Variants in PDE4D observed in about 807,000 individuals in gnomAD.
PDE4D encodes the protein 3',5'-cyclic-AMP phosphodiesterase 4D.
In PDE4D, 24 loss-of-function variants were observed where a neutral mutation model predicts 87.4. The observed-to-expected ratio is 0.27, with a 90% CI of 0.20 to 0.39. PDE4D has a LOEUF of 0.39. Ranked by LOEUF, PDE4D falls within the 10% of genes least tolerant of loss-of-function variation. The probability of loss-of-function intolerance (pLI) is 1.00; values close to 1 mark genes in which losing one functional copy is unlikely to be tolerated. For missense variants in PDE4D, 714 were observed against 1,041.0 expected (o/e 0.69, Z 4.32); for synonymous variants, 384 against 383.2 (o/e 1.00, Z -0.02).
intron 1 of PDE4D, among the ~76,000 whole-genome samples, chr5:59,832,052 A>T (rs759344818): frequency 6.6e-6 from 1 of 152,076 alleles, no homozygotes; most frequent in Non-Finnish European, 1.5e-5. Flanking sequence ...TAACCCAAAG[A>T]GTGATGGTAG....
chr5:59,948,395 T>C (rs749865565), intron 3 of PDE4D, among the ~76,000 whole-genome samples: 1 of 152,210 alleles, frequency 6.6e-6, no homozygotes, highest in Non-Finnish European at 1.5e-5. Context: ...ATTTTCTTCA[T>C]ACTGCAGAAA....
intron 2 of PDE4D, among the ~76,000 whole-genome samples, chr5:60,165,277 T>C (rs1016428151): frequency 6.6e-6 from 1 of 152,196 alleles, no homozygotes; most frequent in African/African-American, 2.4e-5. Flanking sequence ...CTTTCACCAT[T>C]GTGTGTTCTT....
chr5:59,603,504 G>A (rs1827791419), intron 1 of PDE4D, among the ~76,000 whole-genome samples: 1 of 151,944 alleles, frequency 6.6e-6, no homozygotes, highest in Admixed American at 6.6e-5. Flanking sequence ...ATTAAGTGTT[G>A]GCAAGAATGT....
chr5:60,392,602 T>C (rs1370650335), intron 1 of PDE4D, among the ~76,000 whole-genome samples: 1 of 152,202 alleles, frequency 6.6e-6, no homozygotes, highest in Non-Finnish European at 1.5e-5. Context: ...AAGTAATTAA[T>C]AAGCTAATAC....
At chr5:59,648,743 T>G (rs1742892223) in intron 1 of PDE4D, among the ~76,000 whole-genome samples, 1 of 151,262 alleles carries the variant, frequency 6.6e-6, no homozygotes, top group South Asian at 2.1e-4. Flanking sequence ...AAATAAGGTT[T>G]AATGGAGGAA....
At chr5:60,050,018 ACT>A (rs1371711980) in intron 2 of PDE4D, among the ~76,000 whole-genome samples, 2 of 152,102 alleles carry the variant, frequency 1.3e-5, no homozygotes, top group East Asian at 1.9e-4. Flanking sequence ...AATCAGCGAG[ACT>A]CTGTTGGCGT....
At chr5:59,789,475 T>G (rs1765540962) in intron 1 of PDE4D, among the ~76,000 whole-genome samples, 2 of 152,214 alleles carry the variant, frequency 1.3e-5, no homozygotes, top group Non-Finnish European at 2.9e-5. Context: ...TTCCTTCCAG[T>G]GCTAAGATTC....
intron 1 of PDE4D, among the ~76,000 whole-genome samples, chr5:59,706,097 C>CA (rs1248787182): frequency 6.6e-6 from 1 of 152,146 alleles, no homozygotes; most frequent in Non-Finnish European, 1.5e-5. Flanking sequence ...TCAAGAATGA[C>CA]AAAAACGAAA....
chr5:59,979,421 G>GGTGTGTGTGTGTGTGTGTGTGTGTGTGT (rs60199601), intron 3 of PDE4D, among the ~76,000 whole-genome samples: 1 of 147,630 alleles, frequency 6.8e-6, no homozygotes, highest in Non-Finnish European at 1.5e-5. Context: ...CACAGCAAGG[G>GGTGTGTGTGTGTGTGTGTGTGTGTGTGT]GTGTGTGTGT....
At chr5:59,759,667 T>G (rs1437290455) in intron 1 of PDE4D, among the ~76,000 whole-genome samples, 2 of 152,170 alleles carry the variant, frequency 1.3e-5, no homozygotes, top group African/African-American at 4.8e-5. Context: ...CCACCTCCCA[T>G]GATTTCCACA....
intron 6 of PDE4D, among the ~76,000 whole-genome samples, chr5:59,032,017 C>CTATT (rs33953853): frequency 0.49 from 73,528 of 151,428 alleles, 18,662 homozygotes; most frequent in Admixed American, 0.6. Flanking sequence ...TTTTAGTGAT[C>CTATT]TATTGCACTG....
At chr5:59,233,699 G>T (rs892410818) in intron 1 of PDE4D, among the ~76,000 whole-genome samples, 1 of 152,124 alleles carries the variant, frequency 6.6e-6, no homozygotes, top group Non-Finnish European at 1.5e-5. Flanking sequence ...CTTTCTCTGA[G>T]TTTCAGTGTA....
At chr5:59,404,443 G>A (rs1791250882) in intron 1 of PDE4D, among the ~76,000 whole-genome samples, 1 of 151,910 alleles carries the variant, frequency 6.6e-6, no homozygotes, top group South Asian at 2.1e-4. Flanking sequence ...TATATCACTT[G>A]AGGTCAGGAG....
At chr5:59,245,118 GAGGCCTCTGAAGC>G (rs1758588575) in intron 1 of PDE4D, among the ~76,000 whole-genome samples, 1 of 152,054 alleles carries the variant, frequency 6.6e-6, no homozygotes, top group Non-Finnish European at 1.5e-5. Context: ...TGCTGACAAA[GAGGCCTCTGAAGC>G]AGGCCTCACC....
At chr5:60,303,595 C>A (rs1306639884) in intron 1 of PDE4D, among the ~76,000 whole-genome samples, 1 of 152,156 alleles carries the variant, frequency 6.6e-6, no homozygotes, top group Non-Finnish European at 1.5e-5. Context: ...GCGTGAGCCA[C>A]CGCGCCCGGC....
intron 1 of PDE4D, among the ~76,000 whole-genome samples, chr5:59,252,516 A>G (rs1347243576): frequency 1.3e-5 from 2 of 151,186 alleles, no homozygotes; most frequent in African/African-American, 2.4e-5. Flanking sequence ...ATGGTTAACC[A>G]TATCATCTGG....
chr5:59,615,699 G>A (rs1390392202), intron 1 of PDE4D, among the ~76,000 whole-genome samples: 2 of 152,102 alleles, frequency 1.3e-5, no homozygotes, highest in East Asian at 1.9e-4. Flanking sequence ...TCAGTAGCTG[G>A]GGTAATCTGA....
intron 5 of PDE4D, among the ~76,000 whole-genome samples, chr5:59,090,679 G>GCAA (rs1190492869): frequency 1.3e-5 from 2 of 151,900 alleles, no homozygotes; most frequent in East Asian, 1.9e-4. Context: ...GTAGGAAACA[G>GCAA]CAACAACAAC....
At chr5:58,999,643 A>G (rs952638652) in intron 6 of PDE4D, 4 of 1,156,964 alleles carry the variant, frequency 3.5e-6, no homozygotes, top group Non-Finnish European at 4.2e-6. Context: ...CAAGCCACGC[A>G]GAGTATGAGT....
Sources: gnomAD v4.1 joint callset for allele counts (sites outside exome capture counted in the v4.1 genomes callset) on GRCh38, gnomAD v4.1.1 for gene constraint, MANE v1.5 for transcripts, NCBI Gene and HGNC (gene_info 2026-07-23, HGNC 2026-07-21) for gene names.